The following ACAP2 variants were observed in gnomAD, a reference collection of about 807,000 sequenced individuals.
The protein encoded by ACAP2 is ArfGAP with coiled-coil, ankyrin repeat and PH domains 2.
Under a neutral mutation model 115.8 loss-of-function variants are expected in ACAP2, and 39 were observed. That is an observed-to-expected ratio of 0.34 (90% CI 0.26 to 0.44). The LOEUF (loss-of-function observed/expected upper bound fraction) is 0.44. ACAP2 is among the 20% of genes least tolerant of loss of function. The pLI is 1.00. For missense variants in ACAP2, 662 were observed against 927.6 expected (o/e 0.71, Z 3.72); for synonymous variants, 289 against 315.8 (o/e 0.92, Z 0.90).
In ACAP2 at chr3:195,378,445, T is replaced by C. The variant is rs543411257; in HGVS notation, c.285+2564A>G. Among the ~76,000 whole-genome samples the C allele has an allele frequency of 1.3e-4, 19 of 151,962 alleles. No individual in the cohort carries two copies. In the South Asian group the frequency reaches 3.3e-3, roughly 27 times the overall value. On this transcript the variant is annotated intron_variant, in intron 4 of 22. Transcript: ENST00000326793. ...AGGCAGAGGTTGCAGTGAGCCAAGATTGCGCCGCTGCACTCCAGCCTGGCA... is the reference window on the plus strand; with the variant it reads ...AGGCAGAGGTTGCAGTGAGCCAAGACTGCGCCGCTGCACTCCAGCCTGGCA...
At chr3:195,295,233 G>A in intron 17 of ACAP2, 2 of 1,291,370 alleles carry the variant, frequency 1.5e-6, no homozygotes, top group Non-Finnish European at 2.0e-6. Flanking sequence ...AGTAGGAGAA[G>A]AGTGAATCTA....
At chr3:195,280,822 C>T (rs1322973071) in intron 22 of ACAP2, 1 of 152,130 alleles carries the variant, frequency 6.6e-6, no homozygotes, top group Non-Finnish European at 1.5e-5. Flanking sequence ...TATACAAATG[C>T]TTGGCATAAT....
At chr3:195,428,005 G>A (rs1035268168) in intron 1 of ACAP2, among the ~76,000 whole-genome samples, 8 of 147,498 alleles carry the variant, frequency 5.4e-5, no homozygotes, top group African/African-American at 1.8e-4. Flanking sequence ...ACACACACAC[G>A]TCTAAAAGAT....
At chr3:195,408,111 A>G (rs1480684941) in intron 1 of ACAP2, among the ~76,000 whole-genome samples, 2 of 152,234 alleles carry the variant, frequency 1.3e-5, no homozygotes, top group Non-Finnish European at 2.9e-5. Flanking sequence ...TCTCATAAAG[A>G]AAGAGAAAAT....
intron 7 of ACAP2, among the ~76,000 whole-genome samples, chr3:195,335,404 AAAT>A (rs1356527061): frequency 1.3e-5 from 2 of 152,226 alleles, no homozygotes; most frequent in African/African-American, 4.8e-5. Flanking sequence ...GAAAGTTATA[AAAT>A]AGTATGTAGG....
chr3:195,395,102 T>G (rs533168852), intron 1 of ACAP2, among the ~76,000 whole-genome samples: 1 of 144,680 alleles, frequency 6.9e-6, no homozygotes, highest in South Asian at 2.2e-4. Flanking sequence ...ATAAAAGAAT[T>G]TACCCAACAA....
At chr3:195,388,004 T>C (rs577201603) in intron 2 of ACAP2, among the ~76,000 whole-genome samples, 7 of 152,226 alleles carry the variant, frequency 4.6e-5, no homozygotes, top group South Asian at 2.1e-4. Context: ...TAGTAAATGA[T>C]AGAGCCAGAC....
chr3:195,422,899 A>C (rs1221323028), intron 1 of ACAP2, among the ~76,000 whole-genome samples: 1 of 152,184 alleles, frequency 6.6e-6, no homozygotes, highest in Non-Finnish European at 1.5e-5. Flanking sequence ...CATGATTTTT[A>C]AATCATTCCA....
chr3:195,300,308 G>A (rs1356432690), intron 15 of ACAP2, among the ~76,000 whole-genome samples: 1 of 152,104 alleles, frequency 6.6e-6, no homozygotes, highest in African/African-American at 2.4e-5. Flanking sequence ...GCCTCCCAAA[G>A]TGCTGGGATT....
chr3:195,285,774 T>C (rs777928557), intron 22 of ACAP2, 22 bp downstream of exon 22: 1 of 1,578,120 alleles, frequency 6.3e-7, no homozygotes, highest in Non-Finnish European at 8.7e-7. Context: ...CATTTCAGTA[T>C]GGTTATTAGT....
intron 4 of ACAP2, among the ~76,000 whole-genome samples, chr3:195,359,958 AG>A (rs1187875730): frequency 6.6e-6 from 1 of 152,212 alleles, no homozygotes; most frequent in Non-Finnish European, 1.5e-5. Flanking sequence ...ATTAAAAGGA[AG>A]ACACTATGGA....
At chr3:195,404,674 CAT>C (rs1218087172) in intron 1 of ACAP2, among the ~76,000 whole-genome samples, 6 of 149,580 alleles carry the variant, frequency 4.0e-5, no homozygotes, top group Non-Finnish European at 7.4e-5. Flanking sequence ...CACACACACA[CAT>C]ATATATTTAT....
At chr3:195,364,340 C>T (rs75275082) in intron 4 of ACAP2, among the ~76,000 whole-genome samples, 499 of 152,226 alleles carry the variant, frequency 3.3e-3, no homozygotes, top group African/African-American at 0.012. Flanking sequence ...TATGAAAAGG[C>T]ACCCAACATC....
chr3:195,437,763 G>A (rs1230735297), intron 1 of ACAP2, among the ~76,000 whole-genome samples: 1 of 145,694 alleles, frequency 6.9e-6, no homozygotes, highest in African/African-American at 2.6e-5. Context: ...TGCAGTGAGT[G>A]GAGATTGCAC....
chr3:195,297,117 A>G (rs1242288660), intron 16 of ACAP2, 73 bp downstream of exon 16: 37 of 1,311,138 alleles, frequency 2.8e-5, no homozygotes, highest in East Asian at 6.9e-5. Context: ...TCAATGTTAT[A>G]TATCAATTAC....
At chr3:195,427,489 C>T (rs1338888888) in intron 1 of ACAP2, among the ~76,000 whole-genome samples, 2 of 151,966 alleles carry the variant, frequency 1.3e-5, no homozygotes, top group African/African-American at 2.4e-5. Context: ...GCCACCTCGA[C>T]GGTGTAGCCT....
At chr3:195,307,145 T>A in intron 12 of ACAP2, 78 bp downstream of exon 12, 3 of 1,195,666 alleles carry the variant, frequency 2.5e-6, no homozygotes, top group Non-Finnish European at 3.6e-6. Flanking sequence ...CAAATGCAAA[T>A]TTCTCTACTC....
intron 20 of ACAP2, among the ~76,000 whole-genome samples, chr3:195,291,464 G>C (rs1356175581): frequency 6.6e-6 from 1 of 152,144 alleles, no homozygotes; most frequent in South Asian, 2.1e-4. Context: ...TACTAAAACT[G>C]ATCTATTTAA....
chr3:195,404,729 TGTATTTATATATACACACATAC>T (rs1486303066), intron 1 of ACAP2, among the ~76,000 whole-genome samples: 1 of 149,310 alleles, frequency 6.7e-6, no homozygotes, highest in Non-Finnish European at 1.5e-5. Context: ...CACGCACATA[TGTATTTATATATACACACATAC>T]GTATTTATAT....
Sources: gnomAD v4.1 joint callset for allele counts (sites outside exome capture counted in the v4.1 genomes callset) on GRCh38, gnomAD v4.1.1 for gene constraint, MANE v1.5 for transcripts, NCBI Gene and HGNC (gene_info 2026-07-23, HGNC 2026-07-21) for gene names.